The following FGF13 variants were observed in gnomAD, a reference collection of about 807,000 sequenced individuals.
FGF13 encodes the protein fibroblast growth factor 13.
Under a neutral mutation model 19.5 loss-of-function variants are expected in FGF13, and 2 were observed. The ratio of observed to expected loss-of-function variants is 0.10; its 90% CI spans 0.04 to 0.32. The LOEUF (loss-of-function observed/expected upper bound fraction) is 0.32, where lower values mean the gene tolerates loss of function less well. FGF13 is among the 10% of genes least tolerant of loss of function. The pLI is 1.00. For synonymous variants in FGF13, 72 were observed against 76.9 expected (o/e 0.94, Z 0.33); for missense variants, 113 against 192.7 (o/e 0.59, Z 2.45).
intron 1 of FGF13, among the ~76,000 whole-genome samples, chrX:139,184,645 C>T (rs973482003): frequency 9.0e-6 from 1 of 111,571 alleles, no homozygotes; most frequent in African/African-American, 3.3e-5. Flanking sequence ...CACACACATA[C>T]ACACATACAC....
intron 1 of FGF13, among the ~76,000 whole-genome samples, chrX:139,079,560 CA>C (rs1454528411): frequency 9.0e-6 from 1 of 110,844 alleles, no homozygotes. Flanking sequence ...TATATGAGCA[CA>C]AAAATGATGA....
chrX:139,108,839 C>G (rs930105317), intron 1 of FGF13, among the ~76,000 whole-genome samples: 1 of 104,770 alleles, frequency 9.5e-6, no homozygotes, highest in African/African-American at 3.5e-5. Context: ...CTCCCTCCCC[C>G]AACCCCACCC....
chrX:138,827,316 G>C (rs750884876), intron 3 of FGF13, among the ~76,000 whole-genome samples: 2 of 111,792 alleles, frequency 1.8e-5, no homozygotes, highest in South Asian at 7.6e-4. Flanking sequence ...TAAGACAGCA[G>C]CACAGAAGAG....
chrX:139,128,118 C>T (rs1377043879), intron 1 of FGF13, among the ~76,000 whole-genome samples: 4 of 110,626 alleles, frequency 3.6e-5, no homozygotes, highest in South Asian at 4.0e-4. Context: ...ACCAGGATCA[C>T]GCTCAGGACC....
At chrX:139,056,169 G>A (rs953064246) in intron 1 of FGF13, among the ~76,000 whole-genome samples, 3 of 112,178 alleles carry the variant, frequency 2.7e-5, no homozygotes, top group Non-Finnish European at 5.6e-5. Flanking sequence ...ACCATATAAG[G>A]AACACCTACT....
At chrX:138,713,603 A>AAAGT (rs2090074839), upstream of FGF13, among the ~76,000 whole-genome samples, 1 of 111,765 alleles carries the variant, frequency 8.9e-6, no homozygotes, top group Admixed American at 9.4e-5. Context: ...AAGGGGATAG[A>AAAGT]CCTTAGAAGA....
At chrX:138,855,006 A>T (rs1014313518), downstream of FGF13, among the ~76,000 whole-genome samples, 7 of 97,332 alleles carry the variant, frequency 7.2e-5, no homozygotes, top group Non-Finnish European at 1.4e-4. Flanking sequence ...TCCATTTGTT[A>T]AAAAAAAAAA....
At chrX:139,031,212 CA>C (rs67703366) in intron 1 of FGF13, among the ~76,000 whole-genome samples, 1 of 109,694 alleles carries the variant, frequency 9.1e-6, no homozygotes, top group Non-Finnish European at 1.9e-5. Context: ...GATTTTGAGG[CA>C]AAAAAATAAT....
intron 1 of FGF13, among the ~76,000 whole-genome samples, chrX:138,978,178 A>G (rs1337247154): frequency 9.0e-6 from 1 of 110,667 alleles, no homozygotes; most frequent in Non-Finnish European, 1.9e-5. Context: ...TTCCTTCTGC[A>G]GGTCTGTTCT....
intron 3 of FGF13, among the ~76,000 whole-genome samples, chrX:138,675,264 G>A (rs893964156): frequency 2.7e-5 from 3 of 112,066 alleles, no homozygotes; most frequent in African/African-American, 9.7e-5. Flanking sequence ...CGATGCAAAC[G>A]CAGAGCTCAT....
intron 1 of FGF13, among the ~76,000 whole-genome samples, chrX:138,721,927 T>C (rs1276456588): frequency 9.0e-6 from 1 of 111,092 alleles, no homozygotes; most frequent in Non-Finnish European, 1.9e-5. Flanking sequence ...TATTCCTTTA[T>C]CTTACTGAAC....
At chrX:138,994,826 T>G (rs1189950232) in intron 1 of FGF13, among the ~76,000 whole-genome samples, 1 of 111,012 alleles carries the variant, frequency 9.0e-6, no homozygotes. Context: ...AACAAGCATC[T>G]ACACTTTTGA....
In FGF13 at chrX:138,624,146, A is replaced by C. The variant is rs1211761904; in HGVS notation, c.*8704T>G. On this transcript the variant is annotated 3_prime_UTR_variant, in exon 5 of 5. Coordinates refer to ENST00000315930, the MANE Select transcript of FGF13 (RefSeq NM_004114.5). ...AGATCTAAAACAATCTTGAGAAAGA[A>C]GTTTAGAACATTTCCTGATTTCAAA... 5.3e-5 allele frequency: 6 copies of C among 112,218 alleles called. No homozygotes were observed. The highest frequency in any genetic ancestry group is 1.6e-4 in the African/African-American group (5 of 30,904). The allele number at this position is 112,218 out of a possible 1,213,427, so 9.2% of individuals were successfully genotyped here.
At chrX:138,861,471 A>G (rs2091287737) in intron 2 of FGF13, among the ~76,000 whole-genome samples, 1 of 112,487 alleles carries the variant, frequency 8.9e-6, no homozygotes, top group Non-Finnish European at 1.9e-5. Context: ...TAGACATAAC[A>G]TTGGCCTCAG....
chrX:138,839,588 T>A (rs754586410), intron 3 of FGF13, among the ~76,000 whole-genome samples: 66 of 111,962 alleles, frequency 5.9e-4, no homozygotes, highest in Middle Eastern at 9.2e-3. Flanking sequence ...AAATCTTTAA[T>A]AAATCAGGTC....
chrX:138,929,881 T>C (rs868420214), intron 1 of FGF13, among the ~76,000 whole-genome samples: 4 of 108,691 alleles, frequency 3.7e-5, no homozygotes, highest in Non-Finnish European at 7.6e-5. Context: ...TGTGTGTGTG[T>C]GTGTGTGTGT....
intron 1 of FGF13, among the ~76,000 whole-genome samples, chrX:138,955,330 T>G (rs1043497477): frequency 1.8e-4 from 20 of 112,218 alleles, no homozygotes; most frequent in African/African-American, 6.5e-4. Flanking sequence ...CTGTGTTCCC[T>G]CCGTTCAACA....
chrX:138,971,776 G>A (rs757884141), intron 1 of FGF13, among the ~76,000 whole-genome samples: 5 of 111,021 alleles, frequency 4.5e-5, no homozygotes, highest in Non-Finnish European at 9.4e-5. Context: ...TGTTCACTGA[G>A]CACTCTGCTG....
intron 1 of FGF13, among the ~76,000 whole-genome samples, chrX:138,954,095 C>CGAGAGA (rs199755534): frequency 0.048 from 4,508 of 93,730 alleles, 120 homozygotes; most frequent in South Asian, 0.1. Context: ...GTAAATTTAA[C>CGAGAGA]GAGAGAGAGA....
Sources: gnomAD v4.1 joint callset for allele counts (sites outside exome capture counted in the v4.1 genomes callset) on GRCh38, gnomAD v4.1.1 for gene constraint, MANE v1.5 for transcripts, NCBI Gene and HGNC (gene_info 2026-07-23, HGNC 2026-07-21) for gene names.